The following HDAC5 variants were observed in gnomAD, a reference collection of about 807,000 sequenced individuals.
The protein encoded by HDAC5 is antigen NY-CO-9.
In HDAC5, 25 loss-of-function variants were observed where a neutral mutation model predicts 133.3. That is an observed-to-expected ratio of 0.19 (90% confidence interval 0.14 to 0.26). The LOEUF (loss-of-function observed/expected upper bound fraction) is 0.26. Among genes scored for constraint, HDAC5 ranks in the 10% least tolerant of loss-of-function variants. The pLI is 1.00. For missense variants in HDAC5, 1,041 were observed against 1,460.5 expected, an observed-to-expected ratio of 0.71 and a Z score of 4.68; for synonymous variants, 589 against 610.8, an observed-to-expected ratio of 0.96 and a Z score of 0.53.
At chr17:44,110,597 G>A (rs1232916353) in intron 3 of HDAC5, 132 bp downstream of exon 3, 4 of 718,678 alleles carry the variant, frequency 5.6e-6, no homozygotes, top group African/African-American at 3.5e-5. Context: ...CCCCAGCCCT[G>A]TGTATTCTCA....
At chr17:44,095,080 C>T (rs2051184041) in intron 3 of HDAC5, among the ~76,000 whole-genome samples, 1 of 152,172 alleles carries the variant, frequency 6.6e-6, no homozygotes, top group South Asian at 2.1e-4. Flanking sequence ...TAGGCGTGAG[C>T]CACTGCCCAG....
Position 44,084,122 on chromosome 17 carries a change from C to CAA in HDAC5, c.2306-270_2306-269dup, listed in dbSNP as rs796233306. Among the ~76,000 whole-genome samples, 842 of 138,794 alleles carry CAA rather than the reference C, an allele frequency of 6.1e-3. 9 individuals are homozygous for CAA. Among genetic ancestry groups the CAA allele is most frequent in the African/African-American group, 0.021 (790 of 37,956 alleles). The allele number at this position is 138,794 out of a possible 152,430, so 91.1% of individuals were successfully genotyped here. ...CCTGGCCAACAGAGCAAGACTGTCT[C>CAA]AAAAAAAAAAAAGGCACCTCAACTG... On this transcript the variant is annotated intron_variant, in intron 16 of 26. Transcript: ENST00000682912.
chr17:44,120,795 C>T (rs527680064), intron 1 of HDAC5, among the ~76,000 whole-genome samples: 11 of 151,662 alleles, frequency 7.3e-5, no homozygotes, highest in African/African-American at 2.4e-4. Flanking sequence ...GTCAAAGGCA[C>T]TAGGAATTTA....
rs2050167385 is a variant in HDAC5, at chr17:44,077,345, A to G, written c.*1031T>C. 1.3e-5 allele frequency: 2 copies of G among 152,544 alleles called. No homozygotes were observed. The highest frequency in any genetic ancestry group is 4.8e-5 in the African/African-American group (2 of 41,436). 9.4% of individuals were successfully genotyped at this position (152,544 alleles called of 1,614,324 possible). A position where few individuals can be genotyped will look rare whatever the true frequency, so the allele number is the denominator to read the frequency against. On this transcript the variant is annotated 3_prime_UTR_variant, in exon 27 of 27. Transcript: ENST00000682912. ...GGAGCCCAGAAGGTATGGAAGCTCC[A>G]GCTGAGAGCCGACTCCTGGATCCCT...
intron 2 of HDAC5, chr17:44,111,434 C>T: frequency 2.5e-6 from 1 of 400,236 alleles, no homozygotes; most frequent in Non-Finnish European, 5.0e-6. Context: ...AAGGCCACAG[C>T]GCTGGGTGGC....
chr17:44,078,896 G>T lies in HDAC5; in HGVS notation c.3079-17C>A, dbSNP rs767002578. 7 of 1,613,828 alleles carry T rather than the reference G, an allele frequency of 4.3e-6. No homozygotes were observed. The highest frequency in any genetic ancestry group is 5.9e-6 in the Non-Finnish European group (7 of 1,179,728). On this transcript the variant is annotated splice_polypyrimidine_tract_variant and intron_variant, in intron 24 of 26. Transcript: ENST00000682912. ...GGGCTGCAGCTGGCAGGGGAAAGAA[G>T]AGAAGGCTTAGGGTGGGGAGTAGGG...
rs1203784835 is a variant in HDAC5, at chr17:44,117,476, C to CA, written c.22+17dup. 6.2e-7 allele frequency: 1 copy of CA among 1,614,162 alleles called. No homozygotes were observed. Among genetic ancestry groups the CA allele is most frequent in the East Asian group, 2.2e-5 (1 of 44,878 alleles). On this transcript the variant is annotated intron_variant, in intron 2 of 26. Coordinates refer to ENST00000682912, the MANE Select transcript of HDAC5 (RefSeq NM_005474.5). The surrounding 1 kb of genome is among the most constrained non-coding windows in gnomAD (Gnocchi z 4.2). ...GAAGCTACCCCAGGGTGCTCTTCTC[C>CA]AACCTCCCAGCTCTTACCCGACTCG...
At chr17:44,083,523 G>A (rs761302218) in intron 18 of HDAC5, 22 bp downstream of exon 18, 40 of 1,579,318 alleles carry the variant, frequency 2.5e-5, no homozygotes, top group East Asian at 1.1e-4. Context: ...AAGGGGCACC[G>A]AGGTCACAAG....
chr17:44,094,744 G>A (rs535741572), intron 3 of HDAC5, among the ~76,000 whole-genome samples: 36 of 84,178 alleles, frequency 4.3e-4, no homozygotes, highest in African/African-American at 8.7e-4. Flanking sequence ...ATGTGTGTAC[G>A]TATGTGTGTG....
At chr17:44,111,972 T>C (rs1207677018) in intron 2 of HDAC5, among the ~76,000 whole-genome samples, 4 of 152,124 alleles carry the variant, frequency 2.6e-5, no homozygotes. Flanking sequence ...ACGAACATCA[T>C]ATACATCATC....
chr17:44,078,492 C>T lies in HDAC5; in HGVS notation c.3329+8G>A, dbSNP rs1200483415. 2.5e-6 allele frequency: 4 copies of T among 1,602,210 alleles called. No individual in the cohort carries two copies. Among genetic ancestry groups the T allele is most frequent in the African/African-American group, 2.7e-5 (2 of 74,662 alleles). ...GAGGGCAGAGAGGTGGTGCGGGTTG[C>T]TGCTTACCTGGGGCTGTGTTCCCGG... On this transcript the variant is annotated splice_region_variant and intron_variant, in intron 26 of 26. Coordinates refer to ENST00000682912, the MANE Select transcript of HDAC5 (RefSeq NM_005474.5).
chr17:44,079,269 G>T lies in HDAC5; in HGVS notation c.2953C>A (p.His985Asn). ...GYSVTARCFG[H>N]LTRQLMTLAG... ...AGGGTCATCAGCTGCCTGGTCAAGT[G>T]GCCAAAACCTTTGAGGATGGGTGAA... The change falls in exon 24 of 27, where the codon CAC becomes AAC. Residue 985 changes from histidine (H) to asparagine (N), a missense_variant. Physicochemically the swap from His to Asn is moderately conservative, Grantham distance 68. Transcript: ENST00000682912. 6.2e-7 allele frequency: 1 copy of T among 1,613,472 alleles called. No individual in the cohort carries two copies.
chr17:44,078,450 G>A, intron 26 of HDAC5, 35 bp from the exon 27 acceptor site: 1 of 1,569,114 alleles, frequency 6.4e-7, no homozygotes, highest in Non-Finnish European at 8.7e-7. Context: ...TATTGAGTGG[G>A]GCGCACCAGC....
rs228757 is a variant in HDAC5 at position 44,087,517 on chromosome 17, G to A, written c.1779C>T (p.Asp593=). Residue 593 remains aspartate, a synonymous_variant, in exon 13 of 27, where the codon GAC becomes GAT. Coordinates refer to ENST00000682912, the MANE Select transcript of HDAC5 (RefSeq NM_005474.5). The part of the protein sequence containing the change: ...QEDLEEEDEE[D]DGEEEEDCIQ... ...TGCAATCCTCCTCCTCCTCCCCATC[G>A]TCTTCCTCGTCCTCCTCCTCCAGGT... 29 of 1,611,438 alleles carry A rather than the reference G, an allele frequency of 1.8e-5. No individual in the cohort carries two copies. The highest frequency in any genetic ancestry group is 2.4e-5 in the Non-Finnish European group (28 of 1,177,874).
chr17:44,091,935 C>A, intron 9 of HDAC5, 104 bp from the exon 10 acceptor site: 1 of 1,341,796 alleles, frequency 7.5e-7, no homozygotes, highest in East Asian at 2.4e-5. Flanking sequence ...GTGCCCAGTT[C>A]CCTCTACCCT....
At chr17:44,123,343 G>C (rs1315994334) in intron 1 of HDAC5, 161 bp downstream of exon 1, 1 of 332,640 alleles carries the variant, frequency 3.0e-6, no homozygotes, top group Non-Finnish European at 5.4e-6. Context: ...GATGCTCCCG[G>C]GGGGCGCCGG....
Position 44,082,570 on chromosome 17 carries a change from C to A in HDAC5, c.2607+15G>T, listed in dbSNP as rs2050447087. ...TCTACCCGCCCCTGCCCAGCCCCAC[C>A]AGCTCACTGCCTACCCAGTCCACGA... On this transcript the variant is annotated intron_variant, in intron 20 of 26. Transcript: ENST00000682912. The A allele has an allele frequency of 6.2e-7, 1 of 1,607,462 alleles. No homozygotes were observed. Among genetic ancestry groups the A allele is most frequent in the South Asian group, 1.1e-5 (1 of 90,936 alleles).
At chr17:44,108,140 A>C (rs976225999) in intron 3 of HDAC5, among the ~76,000 whole-genome samples, 6 of 152,150 alleles carry the variant, frequency 3.9e-5, no homozygotes, top group Admixed American at 2.0e-4. Flanking sequence ...CCATCCATCA[A>C]GGAAGACCTC....
At chr17:44,080,922 C>A in intron 20 of HDAC5, 40 bp from the exon 21 acceptor site, 1 of 1,613,556 alleles carries the variant, frequency 6.2e-7, no homozygotes, top group Non-Finnish European at 8.5e-7. Context: ...ATGGCCCGCG[C>A]TCTGACCCAA....
Sources: allele counts gnomAD v4.1 joint callset (sites outside exome capture counted in the v4.1 genomes callset), GRCh38; gene constraint gnomAD v4.1.1; non-coding constraint Gnocchi (gnomAD v3.1); transcripts MANE v1.5; gene names NCBI Gene and HGNC (gene_info 2026-07-23, HGNC 2026-07-21).